Variants in PCCA observed in about 807,000 individuals in gnomAD.
The protein encoded by PCCA is propionyl-CoA carboxylase alpha chain, mitochondrial.
A neutral mutation model predicts 101.3 loss-of-function variants in PCCA; 74 were observed. The observed-to-expected ratio is 0.73, with a 90% CI of 0.61 to 0.89. The LOEUF is 0.89. Ranked by LOEUF, PCCA falls within the 40% of genes least tolerant of loss-of-function variation. The pLI is 0.00. For synonymous variants in PCCA, 294 were observed against 313.6 expected (o/e 0.94, Z 0.66); for missense variants, 891 against 907.0 (o/e 0.98, Z 0.23).
chr13:100,159,341 A>C (rs1382690714), intron 6 of PCCA, among the ~76,000 whole-genome samples: 1 of 151,978 alleles, frequency 6.6e-6, no homozygotes, highest in Non-Finnish European at 1.5e-5. Flanking sequence ...CGCCCACCTC[A>C]GCTTCCCAAA....
intron 19 of PCCA, among the ~76,000 whole-genome samples, chr13:100,418,603 G>A (rs1191905685): frequency 6.6e-6 from 1 of 152,148 alleles, no homozygotes; most frequent in Admixed American, 6.5e-5. Context: ...CACTTTGGGA[G>A]GCCGAGGTGG....
intron 1 of PCCA, among the ~76,000 whole-genome samples, chr13:100,101,103 C>T (rs959655328): frequency 1.3e-5 from 2 of 152,086 alleles, no homozygotes; most frequent in East Asian, 1.9e-4. Context: ...GTGCCCGGCC[C>T]GAGTTCTACT....
chr13:100,453,488 AAAG>A (rs1027017283), intron 21 of PCCA, among the ~76,000 whole-genome samples: 1,704 of 143,728 alleles, frequency 0.012, 26 homozygotes, highest in African/African-American at 0.039. Flanking sequence ...AAAAAAAAAA[AAAG>A]AAGAAGAAGA....
Position 100,182,098 on chromosome 13 carries a change from CTTT to C in PCCA, c.468+24773_468+24775del, listed in dbSNP as rs558498604. On this transcript the variant is annotated intron_variant, in intron 6 of 23. Coordinates refer to ENST00000376285, the MANE Select transcript of PCCA (RefSeq NM_000282.4). ...TTACTAATATTGTTTTTTTCTTTTT[CTTT>C]TTTTTTTTTTTTTTGAGATGGAGTC... 1.1e-3 allele frequency among the ~76,000 whole-genome samples: 117 copies of C among 105,458 alleles called. 3 individuals are homozygous for C. The South Asian group carries it at 0.032, about 29-fold the overall frequency. 69.2% of individuals were successfully genotyped at this position (105,458 alleles called of 152,430 possible).
At position 100,406,412 on chromosome 13, in the gene PCCA, A is replaced by G. The variant is rs555689683; in HGVS notation, c.1747-19221A>G. Among the ~76,000 whole-genome samples the G allele has an allele frequency of 1.5e-3, 227 of 152,304 alleles. 2 individuals are homozygous for G. The highest frequency in any genetic ancestry group is 5.2e-3 in the African/African-American group (216 of 41,588). On this transcript the variant is annotated intron_variant, in intron 19 of 23. Transcript: ENST00000376285. ...TACTTAATTATTAAAGTCCGTAAAC[A>G]GTTCAAAATTGGCCGGGTGCGGCCG...
chr13:100,422,119 T>TTCCTTTCTTTTC (rs1567109583), intron 19 of PCCA, among the ~76,000 whole-genome samples: 1 of 82,160 alleles, frequency 1.2e-5, no homozygotes, highest in African/African-American at 4.2e-5. Flanking sequence ...TCTTTCTTTC[T>TTCCTTTCTTTTC]TTTCTTTCTT....
chr13:100,513,146 G>GT (rs1363455671), intron 21 of PCCA, among the ~76,000 whole-genome samples: 2 of 152,248 alleles, frequency 1.3e-5, no homozygotes, highest in African/African-American at 2.4e-5. Flanking sequence ...CTGAGAGGCT[G>GT]TTTTAAGAAG....
At chr13:100,323,507 G>A (rs1197992718) in intron 16 of PCCA, among the ~76,000 whole-genome samples, 1 of 151,876 alleles carries the variant, frequency 6.6e-6, no homozygotes, top group East Asian at 1.9e-4. Flanking sequence ...TAGTAGAGAC[G>A]GGGTTTCACC....
intron 20 of PCCA, among the ~76,000 whole-genome samples, chr13:100,426,193 T>C (rs1486122924): frequency 1.3e-5 from 2 of 152,198 alleles, no homozygotes; most frequent in African/African-American, 2.4e-5. Context: ...TTAATCTTTC[T>C]TTTCGCCTCA....
At chr13:100,262,215 A>G (rs2062567313) in intron 9 of PCCA, among the ~76,000 whole-genome samples, 1 of 151,972 alleles carries the variant, frequency 6.6e-6, no homozygotes, top group Admixed American at 6.6e-5. Context: ...CAACGTGTTG[A>G]AACCCTGTCT....
At chr13:100,529,737 G>A (rs140452883) in intron 23 of PCCA, among the ~76,000 whole-genome samples, 2 of 152,308 alleles carry the variant, frequency 1.3e-5, no homozygotes, top group African/African-American at 4.8e-5. Context: ...CAAAACCACA[G>A]AGAGGGAGGC....
rs566580776 is a variant in PCCA, at chr13:100,478,419, A to T, written c.1899+29114A>T. Among the ~76,000 whole-genome samples the T allele has an allele frequency of 9.9e-5, 15 of 152,284 alleles. No individual in the cohort carries two copies. In the South Asian group the frequency reaches 3.1e-3, roughly 32 times the overall value. ...TCCCACTCTGGAACTGTAGCTTCTC[A>T]GCCCTCTTCTTGATGCTGGGCGGGT... On this transcript the variant is annotated intron_variant, in intron 21 of 23. Coordinates refer to ENST00000376285, the MANE Select transcript of PCCA (RefSeq NM_000282.4).
At chr13:100,122,580 A>G (rs766123269) in intron 4 of PCCA, among the ~76,000 whole-genome samples, 2 of 152,038 alleles carry the variant, frequency 1.3e-5, no homozygotes, top group African/African-American at 4.8e-5. Flanking sequence ...AAATGTGTCC[A>G]TTTCATCAAA....
chr13:100,415,382 G>C (rs1346687211), intron 19 of PCCA, among the ~76,000 whole-genome samples: 2 of 152,118 alleles, frequency 1.3e-5, no homozygotes, highest in African/African-American at 4.8e-5. Context: ...TTCCAGCCTG[G>C]GTGACAGAGT....
intron 6 of PCCA, among the ~76,000 whole-genome samples, chr13:100,189,132 G>A (rs2057550205): frequency 6.6e-6 from 1 of 151,958 alleles, no homozygotes; most frequent in African/African-American, 2.4e-5. Flanking sequence ...GTGAAAACAT[G>A]CGGTGTTTGG....
chr13:100,291,543 G>C (rs1407582065), intron 12 of PCCA, among the ~76,000 whole-genome samples: 1 of 152,154 alleles, frequency 6.6e-6, no homozygotes, highest in African/African-American at 2.4e-5. Flanking sequence ...TGTTTCACTT[G>C]GTCTGTGTAA....
chr13:100,281,968 G>C (rs989181817), intron 12 of PCCA, among the ~76,000 whole-genome samples: 2 of 152,180 alleles, frequency 1.3e-5, no homozygotes, highest in Non-Finnish European at 2.9e-5. Flanking sequence ...TTAAATGAGA[G>C]CTTGTTTCTT....
At chr13:100,259,774 A>C (rs1035252374) in intron 9 of PCCA, among the ~76,000 whole-genome samples, 1 of 152,160 alleles carries the variant, frequency 6.6e-6, no homozygotes. Context: ...GATTGTGTCT[A>C]TATTTTTGAA....
chr13:100,497,966 C>G (rs1485781967), intron 21 of PCCA, among the ~76,000 whole-genome samples: 1 of 151,956 alleles, frequency 6.6e-6, no homozygotes, highest in Non-Finnish European at 1.5e-5. Flanking sequence ...AACTACCGGG[C>G]TCAGTTGATC....
Sources: gnomAD v4.1 joint callset for allele counts (sites outside exome capture counted in the v4.1 genomes callset) on GRCh38, gnomAD v4.1.1 for gene constraint, MANE v1.5 for transcripts, NCBI Gene and HGNC (gene_info 2026-07-23, HGNC 2026-07-21) for gene names.